HDAC9: variants seen among roughly 807,000 people sequenced by gnomAD.
The protein encoded by HDAC9 is MEF-2 interacting transcription repressor (MITR) protein.
A neutral mutation model predicts 139.4 loss-of-function variants in HDAC9; 41 were observed. The observed-to-expected ratio is 0.29, with a 90% CI of 0.23 to 0.38. The LOEUF (loss-of-function observed/expected upper bound fraction) is 0.38. HDAC9 is among the 10% of genes least tolerant of loss of function. HDAC9 has a pLI of 1.00. For synonymous variants in HDAC9, 517 were observed against 476.2 expected (o/e 1.09, Z -1.12); for missense variants, 1,147 against 1,297.0 (o/e 0.88, Z 1.78).
At position 19,002,312 on chromosome 7, in the gene HDAC9, T is replaced by A. The variant is rs1044265084; in HGVS notation, c.*6250T>A. ...ATTATTGTTGGTGTTGTTAATGTCATGACTCTCCTTTGAATAGAATAAAAT... is the reference window on the plus strand; with the variant it reads ...ATTATTGTTGGTGTTGTTAATGTCAAGACTCTCCTTTGAATAGAATAAAAT... On this transcript the variant is annotated 3_prime_UTR_variant, in exon 26 of 26. Coordinates refer to ENST00000686413, the MANE Select transcript of HDAC9 (RefSeq NM_178425.4). 1 of 152,152 alleles carries A rather than the reference T, an allele frequency of 6.6e-6. No individual in the cohort carries two copies. The highest frequency in any genetic ancestry group is 1.5e-5 in the Non-Finnish European group (1 of 67,976). 9.4% of individuals were successfully genotyped at this position (152,152 alleles called of 1,614,324 possible).
At position 18,879,271 on chromosome 7, in the gene HDAC9, A is replaced by G. The variant is rs1297878928; in HGVS notation, c.2803+4675A>G. 2.0e-5 allele frequency among the ~76,000 whole-genome samples: 3 copies of G among 152,146 alleles called. No individual in the cohort carries two copies. The East Asian group carries it at 5.8e-4, about 29-fold the overall frequency. ...ACAGATTCAATGCTATTTCTATCAA[A>G]CTACCAATGACATTCTTCACAGAAC... On this transcript the variant is annotated intron_variant, in intron 22 of 25. Coordinates refer to ENST00000686413, the MANE Select transcript of HDAC9 (RefSeq NM_178425.4).
At chr7:18,160,699 C>A (rs1225060888) in intron 1 of HDAC9, among the ~76,000 whole-genome samples, 1 of 152,044 alleles carries the variant, frequency 6.6e-6, no homozygotes, top group Non-Finnish European at 1.5e-5. Flanking sequence ...CCACTGCAAC[C>A]TCTGCCTCCC....
chr7:18,982,908 C>T (rs983058138), intron 25 of HDAC9, among the ~76,000 whole-genome samples: 34 of 152,164 alleles, frequency 2.2e-4, no homozygotes, highest in Non-Finnish European at 8.8e-5. Context: ...GGCTTGCTTA[C>T]ACTTTGAGGG....
chr7:18,549,653 G>C (rs1043976878), intron 2 of HDAC9, among the ~76,000 whole-genome samples: 1 of 151,954 alleles, frequency 6.6e-6, no homozygotes, highest in African/African-American at 2.4e-5. Context: ...TGTAACCATT[G>C]GGGAAAACTA....
chr7:18,396,976 C>G (rs1286660403), intron 1 of HDAC9, among the ~76,000 whole-genome samples: 1 of 152,010 alleles, frequency 6.6e-6, no homozygotes, highest in African/African-American at 2.4e-5. Flanking sequence ...TTGCTCCCCA[C>G]CCTTGCCCCA....
At chr7:18,377,639 ATT>A (rs1404444832) in intron 1 of HDAC9, among the ~76,000 whole-genome samples, 1 of 152,208 alleles carries the variant, frequency 6.6e-6, no homozygotes, top group Non-Finnish European at 1.5e-5. Flanking sequence ...ATGATTTGAA[ATT>A]TAAATAGCAG....
chr7:18,492,667 T>G (rs1586269352), upstream of HDAC9, among the ~76,000 whole-genome samples: 1 of 152,038 alleles, frequency 6.6e-6, no homozygotes. Context: ...TTGTATTAGC[T>G]TGTTATAGTT....
At chr7:18,183,167 A>T (rs377519261) in intron 2 of HDAC9, among the ~76,000 whole-genome samples, 3 of 151,762 alleles carry the variant, frequency 2.0e-5, no homozygotes, top group African/African-American at 4.9e-5. Flanking sequence ...CTGCCACCAC[A>T]CCCGGCTAAT....
intron 8 of HDAC9, among the ~76,000 whole-genome samples, chr7:18,635,010 G>T (rs1037946518): frequency 1.3e-5 from 2 of 151,866 alleles, no homozygotes; most frequent in African/African-American, 4.8e-5. Flanking sequence ...CTTATTTATG[G>T]AATTCAGTAA....
chr7:18,988,609 G>A (rs1225369531), intron 25 of HDAC9, among the ~76,000 whole-genome samples: 3 of 152,138 alleles, frequency 2.0e-5, no homozygotes, highest in African/African-American at 7.2e-5. Flanking sequence ...TTCAATTCCT[G>A]AGTATCCTTG....
chr7:18,534,761 C>T lies in HDAC9; in HGVS notation c.22+38437C>T, dbSNP rs139343270. On this transcript the variant is annotated intron_variant, in intron 2 of 25. Coordinates refer to ENST00000686413, the MANE Select transcript of HDAC9 (RefSeq NM_178425.4). ...ACCACTGTGCAGCTCTTGTGTCCCA[C>T]GTTTCTGCTAGAGCTGTGGCCTCAC... Among the ~76,000 whole-genome samples the T allele has an allele frequency of 3.7e-3, 564 of 152,280 alleles. 5 individuals carry two copies. Among genetic ancestry groups the T allele is most frequent in the African/African-American group, 0.012 (518 of 41,562 alleles).
intron 1 of HDAC9, among the ~76,000 whole-genome samples, chr7:18,397,859 G>A (rs1273484057): frequency 1.3e-5 from 2 of 152,102 alleles, no homozygotes; most frequent in African/African-American, 4.8e-5. Context: ...GGCCAGAGAA[G>A]GGGCTGGCCT....
At chr7:18,374,736 A>C (rs1265917333) in intron 1 of HDAC9, among the ~76,000 whole-genome samples, 2 of 152,080 alleles carry the variant, frequency 1.3e-5, no homozygotes, top group African/African-American at 4.8e-5. Flanking sequence ...AAATATATAA[A>C]GTCTATATAT....
intron 1 of HDAC9, among the ~76,000 whole-genome samples, chr7:18,467,189 T>C (rs113217290): frequency 0.01 from 1,586 of 152,276 alleles, 25 homozygotes; most frequent in African/African-American, 0.035. Context: ...TACTGATCTT[T>C]CCTCTTTGTT....
chr7:18,885,552 T>C (rs1800078461), intron 22 of HDAC9, among the ~76,000 whole-genome samples: 1 of 152,176 alleles, frequency 6.6e-6, no homozygotes, highest in Admixed American at 6.5e-5. Context: ...ACAGAAAAAT[T>C]AAGTAACTAT....
intron 17 of HDAC9, among the ~76,000 whole-genome samples, chr7:18,810,299 C>T (rs1222042842): frequency 6.6e-6 from 1 of 151,856 alleles, no homozygotes; most frequent in Non-Finnish European, 1.5e-5. Context: ...TTCTTCCCAT[C>T]TCAAAGTCTT....
intron 22 of HDAC9, among the ~76,000 whole-genome samples, chr7:18,893,060 G>GAAAAAAA (rs1800838388): frequency 1.1e-5 from 1 of 91,840 alleles, no homozygotes; most frequent in Non-Finnish European, 2.3e-5. Context: ...AAAAAGAAAA[G>GAAAAAAA]AAAAGAACCC....
At chr7:18,678,934 G>A (rs1429610628) in intron 12 of HDAC9, among the ~76,000 whole-genome samples, 1 of 151,842 alleles carries the variant, frequency 6.6e-6, no homozygotes, top group African/African-American at 2.4e-5. Context: ...CACTCAACTT[G>A]GTTTCTCTCT....
At chr7:18,634,829 A>C in intron 8 of HDAC9, 87 bp downstream of exon 8, 3 of 763,258 alleles carry the variant, frequency 3.9e-6, no homozygotes, top group Non-Finnish European at 6.7e-6. Flanking sequence ...GTTGACCTTC[A>C]ATATCCAAAT....
Sources: gnomAD v4.1 joint callset for allele counts (sites outside exome capture counted in the v4.1 genomes callset) on GRCh38, gnomAD v4.1.1 for gene constraint, MANE v1.5 for transcripts, NCBI Gene and HGNC (gene_info 2026-07-23, HGNC 2026-07-21) for gene names.